The following PINX1 variants were observed in gnomAD, a reference collection of about 807,000 sequenced individuals.
PINX1 encodes the protein PIN2/TERF1-interacting telomerase inhibitor 1.
A neutral mutation model predicts 25.4 loss-of-function variants in PINX1; 34 were observed. That is an observed-to-expected ratio of 1.34 (90% CI 1.02 to 1.78). The LOEUF (loss-of-function observed/expected upper bound fraction) is 1.78. PINX1 is among the 40% of genes most tolerant of loss of function. PINX1 has a pLI of 0.00. For missense variants in PINX1, 592 were observed against 404.9 expected (o/e 1.46, Z -3.97); for synonymous variants, 197 against 147.7 (o/e 1.33, Z -2.42).
chr8:10,832,974 G>C lies in PINX1; in HGVS notation c.140C>G (p.Ala47Gly), dbSNP rs1430772089. ...MGWSKGKGLG[A>G]QEQGATDHIK... ...ATGATCTGTGGCTCCTTGCTCCTGA[G>C]CCCCTAAACCCTGTGGAGATTAAAC... is the stretch of plus-strand genomic sequence containing the variant. The change falls in exon 3 of 7, where the codon GCT becomes GGT. Residue 47 changes from alanine to glycine, a missense_variant. Transcript: ENST00000314787. The C allele has an allele frequency of 6.2e-7, 1 of 1,606,176 alleles. No individual in the cohort carries two copies. The highest frequency in any genetic ancestry group is 1.1e-5 in the South Asian group (1 of 89,668).
chr8:10,777,606 G>C (rs961621960), intron 6 of PINX1, among the ~76,000 whole-genome samples: 3 of 152,178 alleles, frequency 2.0e-5, no homozygotes, highest in Non-Finnish European at 1.5e-5. Context: ...TGTAGAATGA[G>C]AAAAGGAAAG....
intron 6 of PINX1, among the ~76,000 whole-genome samples, chr8:10,806,151 C>T (rs1353757789): frequency 6.9e-6 from 1 of 144,998 alleles, no homozygotes; most frequent in Non-Finnish European, 1.5e-5. Flanking sequence ...TGACGGAGCA[C>T]AGGAAGGGGC....
At chr8:10,778,135 G>C (rs1258987427) in intron 6 of PINX1, among the ~76,000 whole-genome samples, 3 of 152,144 alleles carry the variant, frequency 2.0e-5, no homozygotes, top group East Asian at 3.9e-4. Flanking sequence ...GGTTAGGGAG[G>C]GGGTGAATAT....
intron 6 of PINX1, among the ~76,000 whole-genome samples, chr8:10,808,122 T>A (rs1802514046): frequency 6.6e-6 from 1 of 152,262 alleles, no homozygotes; most frequent in African/African-American, 2.4e-5. Context: ...CAGGGTACGA[T>A]ATTTACATAG....
intron 6 of PINX1, among the ~76,000 whole-genome samples, chr8:10,809,829 G>C (rs1802570926): frequency 6.6e-6 from 1 of 152,228 alleles, no homozygotes; most frequent in Non-Finnish European, 1.5e-5. Context: ...AATCTTCGAA[G>C]TTGTGTTAGT....
chr8:10,780,831 T>C (rs538944037), intron 6 of PINX1, among the ~76,000 whole-genome samples: 2 of 152,320 alleles, frequency 1.3e-5, no homozygotes, highest in Admixed American at 6.5e-5. Flanking sequence ...AACGGCATTC[T>C]TAATAGAAAT....
intron 6 of PINX1, 58 bp from the exon 7 acceptor site, chr8:10,765,974 C>T: frequency 6.5e-7 from 1 of 1,547,370 alleles, no homozygotes; most frequent in Non-Finnish European, 8.8e-7. Flanking sequence ...TCCCTCACCG[C>T]ACCCAGGAGG....
At chr8:10,822,516 G>A (rs1248813325) in intron 5 of PINX1, among the ~76,000 whole-genome samples, 1 of 152,194 alleles carries the variant, frequency 6.6e-6, no homozygotes, top group Non-Finnish European at 1.5e-5. Context: ...CTGCAAGGAT[G>A]AGCAGGTACT....
intron 1 of PINX1, among the ~76,000 whole-genome samples, chr8:10,837,925 C>G (rs988596793): frequency 6.6e-6 from 1 of 152,224 alleles, no homozygotes; most frequent in Admixed American, 6.5e-5. Context: ...TACGTTAGAA[C>G]TTAAAGGAAG....
At chr8:10,794,487 T>G (rs1204240905) in intron 6 of PINX1, among the ~76,000 whole-genome samples, 2 of 151,602 alleles carry the variant, frequency 1.3e-5, no homozygotes, top group African/African-American at 2.4e-5. Context: ...CAGGCTGGAG[T>G]GCACTAGCGC....
intron 1 of PINX1, among the ~76,000 whole-genome samples, chr8:10,837,474 C>G (rs1798437032): frequency 6.6e-6 from 1 of 152,174 alleles, no homozygotes; most frequent in Non-Finnish European, 1.5e-5. Flanking sequence ...TATGCTGAGT[C>G]CTGTGCCTGA....
chr8:10,821,948 G>C (rs1797892342), intron 5 of PINX1: 1 of 152,228 alleles, frequency 6.6e-6, no homozygotes, highest in South Asian at 2.1e-4. Flanking sequence ...AAACAGATCT[G>C]AAAGTCAAAG....
At chr8:10,777,802 C>A (rs1445267118) in intron 6 of PINX1, among the ~76,000 whole-genome samples, 5 of 152,184 alleles carry the variant, frequency 3.3e-5, no homozygotes, top group Non-Finnish European at 5.9e-5. Flanking sequence ...CCGTCACTGC[C>A]TTGTGCGACT....
intron 5 of PINX1, among the ~76,000 whole-genome samples, chr8:10,823,470 T>C (rs1244682559): frequency 6.6e-6 from 1 of 151,964 alleles, no homozygotes; most frequent in Non-Finnish European, 1.5e-5. Flanking sequence ...TCGATTGACA[T>C]TTTCCCCTCT....
Position 10,820,271 on chromosome 8 carries a change from T to C in PINX1, c.395-2A>G, listed in dbSNP as rs1258881449. The C allele has an allele frequency of 2.5e-6, 4 of 1,604,808 alleles. No homozygotes were observed. The highest frequency in any genetic ancestry group is 3.4e-6 in the Non-Finnish European group (4 of 1,172,172). On this transcript the variant is annotated splice_acceptor_variant, in intron 5 of 6. Transcript: ENST00000314787. LOFTEE classifies it high-confidence loss of function. ...TGCTCCGAGATGACAGATCCTTCCCTAGAAAAACAATGTGATGCTTTTCAG... is the reference window on the plus strand; with the variant it reads ...TGCTCCGAGATGACAGATCCTTCCCCAGAAAAACAATGTGATGCTTTTCAG...
intron 6 of PINX1, among the ~76,000 whole-genome samples, chr8:10,814,976 G>A (rs1202895979): frequency 1.3e-5 from 2 of 152,166 alleles, no homozygotes; most frequent in African/African-American, 4.8e-5. Context: ...GTCTCACTCT[G>A]TGACCCAGGC....
At chr8:10,792,599 AAT>A (rs1036251605) in intron 6 of PINX1, among the ~76,000 whole-genome samples, 41 of 152,078 alleles carry the variant, frequency 2.7e-4, no homozygotes, top group African/African-American at 9.9e-4. Context: ...AACAAACAGA[AAT>A]ACTCTCAGGA....
At chr8:10,815,379 T>C (rs950114445) in intron 6 of PINX1, among the ~76,000 whole-genome samples, 2 of 152,264 alleles carry the variant, frequency 1.3e-5, no homozygotes, top group Admixed American at 6.5e-5. Context: ...TTAATTTCTA[T>C]ACATTATATT....
rs531759142 is a variant in PINX1 at position 10,768,197 on chromosome 8, A to C, written c.472-2281T>G. ...ACGACGGCTGGCTCGTTTATGCAAC[A>C]GAAGTCTCACTGACAGTTTCGCAGC... On this transcript the variant is annotated intron_variant, in intron 6 of 6. Coordinates refer to ENST00000314787, the MANE Select transcript of PINX1 (RefSeq NM_017884.6). Among the ~76,000 whole-genome samples the C allele has an allele frequency of 1.5e-4, 23 of 152,354 alleles. No individual in the cohort carries two copies. In the East Asian group the frequency reaches 4.1e-3, roughly 27 times the overall value.
Sources: allele counts gnomAD v4.1 joint callset (sites outside exome capture counted in the v4.1 genomes callset), GRCh38; gene constraint gnomAD v4.1.1; transcripts MANE v1.5; gene names NCBI Gene and HGNC (gene_info 2026-07-23, HGNC 2026-07-21).